The following BMAL2 variants were observed in gnomAD, a reference collection of about 807,000 sequenced individuals.
BMAL2 encodes basic helix-loop-helix ARNT like 2.
chr12:27,399,503 T>C, the BMAL2 span, among the ~76,000 whole-genome samples: 2 of 152,212 alleles, frequency 1.3e-5, no homozygotes, highest in African/African-American at 4.8e-5. Flanking sequence ...CATAGAGCTG[T>C]TAAGATTAAA....
At chr12:27,410,765 AAAAAT>A in the BMAL2 span, among the ~76,000 whole-genome samples, 38 of 152,124 alleles carry the variant, frequency 2.5e-4, no homozygotes, top group Non-Finnish European at 3.8e-4. Flanking sequence ...AATAATTTTT[AAAAAT>A]AAAATAAAAC....
chr12:27,384,320 C>A, the BMAL2 span, among the ~76,000 whole-genome samples: 1 of 152,248 alleles, frequency 6.6e-6, no homozygotes, highest in East Asian at 1.9e-4. Context: ...TAGAGACTTT[C>A]ATTTTAATAT....
At chr12:27,353,809 A>G in the BMAL2 span, among the ~76,000 whole-genome samples, 1 of 152,238 alleles carries the variant, frequency 6.6e-6, no homozygotes. Context: ...GCCAACAGAC[A>G]TGAAAAAATG....
the BMAL2 span, among the ~76,000 whole-genome samples, chr12:27,376,602 T>C: frequency 6.6e-6 from 1 of 152,178 alleles, no homozygotes; most frequent in East Asian, 1.9e-4. Flanking sequence ...TAACTTTCTC[T>C]TAGAATAGCT....
At chr12:27,371,634 G>C in the BMAL2 span, among the ~76,000 whole-genome samples, 51 of 152,274 alleles carry the variant, frequency 3.3e-4, 1 homozygote, top group Admixed American at 7.8e-4. Flanking sequence ...TTCTAAGCAT[G>C]AGAAGAACTT....
chr12:27,380,364 A>G, the BMAL2 span: 3 of 1,614,204 alleles, frequency 1.9e-6, no homozygotes, highest in South Asian at 1.1e-5. Context: ...ACAAACTTAC[A>G]GTTTTAAGAA....
At chr12:27,401,510 C>G in the BMAL2 span, 1 of 1,568,992 alleles carries the variant, frequency 6.4e-7, no homozygotes, top group Non-Finnish European at 8.7e-7. Flanking sequence ...TGATAATTAT[C>G]TTTTCTCGTT....
chr12:27,398,824 ATCAT>A, the BMAL2 span, among the ~76,000 whole-genome samples: 1 of 152,258 alleles, frequency 6.6e-6, no homozygotes, highest in Non-Finnish European at 1.5e-5. Context: ...TTTAGTCAGT[ATCAT>A]TCATAAGTTT....
At chr12:27,341,914 C>CTTGT in the BMAL2 span, among the ~76,000 whole-genome samples, 1 of 152,154 alleles carries the variant, frequency 6.6e-6, no homozygotes, top group East Asian at 1.9e-4. Context: ...CAGGAGATGT[C>CTTGT]TTGTTTGTTT....
chr12:27,356,411 A>G, the BMAL2 span, among the ~76,000 whole-genome samples: 1 of 152,040 alleles, frequency 6.6e-6, no homozygotes, highest in African/African-American at 2.4e-5. Context: ...TGTTACATCC[A>G]GGGCCCTCCA....
chr12:27,413,592 T>G, the BMAL2 span, among the ~76,000 whole-genome samples: 1 of 152,038 alleles, frequency 6.6e-6, no homozygotes, highest in Non-Finnish European at 1.5e-5. Flanking sequence ...AAAGGAAGAA[T>G]GGAACAAAGG....
At chr12:27,397,304 T>G in the BMAL2 span, among the ~76,000 whole-genome samples, 1 of 152,238 alleles carries the variant, frequency 6.6e-6, no homozygotes, top group African/African-American at 2.4e-5. Flanking sequence ...TCTCCTGACC[T>G]TGTGATCCGC....
the BMAL2 span, among the ~76,000 whole-genome samples, chr12:27,337,392 A>G: frequency 1.3e-5 from 2 of 150,952 alleles, no homozygotes; most frequent in African/African-American, 4.9e-5. Context: ...AGAATCATCT[A>G]CTACCCTTCT....
At chr12:27,351,613 T>C in the BMAL2 span, among the ~76,000 whole-genome samples, 63 of 152,314 alleles carry the variant, frequency 4.1e-4, no homozygotes, top group African/African-American at 1.4e-3. Flanking sequence ...GATCCCTACG[T>C]AGGGACAGCC....
At chr12:27,373,838 T>C in the BMAL2 span, among the ~76,000 whole-genome samples, 1 of 152,208 alleles carries the variant, frequency 6.6e-6, no homozygotes, top group Non-Finnish European at 1.5e-5. Flanking sequence ...ATTACTGTAA[T>C]GTAAGGTTCT....
chr12:27,380,388 C>G, the BMAL2 span: 2 of 1,614,154 alleles, frequency 1.2e-6, no homozygotes, highest in Non-Finnish European at 1.7e-6. Context: ...CTGTTCAACA[C>G]TTGAGATCTT....
chr12:27,364,724 A>G, the BMAL2 span, among the ~76,000 whole-genome samples: 1 of 152,164 alleles, frequency 6.6e-6, no homozygotes, highest in Non-Finnish European at 1.5e-5. Context: ...TTACACATCT[A>G]TTTTAGGATA....
chr12:27,333,348 C>G, the BMAL2 span, among the ~76,000 whole-genome samples: 1 of 152,004 alleles, frequency 6.6e-6, no homozygotes, highest in South Asian at 2.1e-4. Flanking sequence ...GCTGGGGTCG[C>G]CGCCGGCGCT....
the BMAL2 span, chr12:27,421,280 T>G: frequency 2.0e-5 from 3 of 152,194 alleles, no homozygotes; most frequent in Non-Finnish European, 2.9e-5. Flanking sequence ...ACGTGGTGGC[T>G]CACGCCTGTA....
Sources: allele counts gnomAD v4.1 joint callset (sites outside exome capture counted in the v4.1 genomes callset), GRCh38; gene constraint gnomAD v4.1.1; transcripts MANE v1.5; gene names NCBI Gene and HGNC (gene_info 2026-07-23, HGNC 2026-07-21).